Variants in TGM7 observed in about 807,000 individuals in gnomAD.
TGM7 encodes transglutaminase 7.
Under a neutral mutation model 79.5 loss-of-function variants are expected in TGM7, and 74 were observed. That is an observed-to-expected ratio of 0.93 (90% CI 0.77 to 1.13). The LOEUF is 1.13. Ranked by LOEUF, TGM7 falls within the 50% of genes most tolerant of loss-of-function variation. The pLI is 0.00. For missense variants in TGM7, 912 were observed against 905.9 expected (o/e 1.01, Z -0.09); for synonymous variants, 354 against 362.5 (o/e 0.98, Z 0.27).
chr15:43,289,723 T>C (rs1308551825), intron 4 of TGM7, among the ~76,000 whole-genome samples: 6 of 152,038 alleles, frequency 3.9e-5, no homozygotes, highest in Non-Finnish European at 7.4e-5. Context: ...TCTCCAGCAC[T>C]TGTTGTTTCC....
chr15:43,288,462 G>C (rs2042947872), intron 4 of TGM7, among the ~76,000 whole-genome samples: 1 of 152,024 alleles, frequency 6.6e-6, no homozygotes, highest in South Asian at 2.1e-4. Context: ...TCTCTACGTT[G>C]ACTGGATATT....
intron 6 of TGM7, among the ~76,000 whole-genome samples, chr15:43,285,733 C>A (rs909849459): frequency 5.3e-5 from 8 of 152,296 alleles, no homozygotes; most frequent in Admixed American, 4.6e-4. Context: ...TTTAATAAGG[C>A]AGCAGCTCCC....
intron 1 of TGM7, among the ~76,000 whole-genome samples, chr15:43,299,794 C>T (rs1259550497): frequency 6.6e-6 from 1 of 152,104 alleles, no homozygotes; most frequent in African/African-American, 2.4e-5. Flanking sequence ...TCATTTCTTC[C>T]CTTCTTACAA....
At chr15:43,298,027 T>C (rs1212796696) in intron 1 of TGM7, among the ~76,000 whole-genome samples, 1 of 152,236 alleles carries the variant, frequency 6.6e-6, no homozygotes, top group Non-Finnish European at 1.5e-5. Flanking sequence ...TGCCCGGCAT[T>C]GTTTAGAGCA....
intron 11 of TGM7, among the ~76,000 whole-genome samples, 187 bp downstream of exon 11, chr15:43,278,930 C>G (rs984288093): frequency 1.3e-5 from 2 of 152,212 alleles, no homozygotes; most frequent in Non-Finnish European, 2.9e-5. Flanking sequence ...AAAAATAGCA[C>G]GTCCTTTGAG....
chr15:43,302,120 T>A, intron 1 of TGM7, 121 bp downstream of exon 1: 1 of 1,177,410 alleles, frequency 8.5e-7, no homozygotes, highest in Non-Finnish European at 1.3e-6. Context: ...TATTGCACAA[T>A]GAACTACCAA....
rs1596467500 is a variant in TGM7, at chr15:43,302,143, G to C, written c.10+98C>G. 22 of 1,409,552 alleles carry C rather than the reference G, an allele frequency of 1.6e-5. No homozygotes were observed. In the South Asian group the frequency reaches 2.5e-4, roughly 16 times the overall value. 87.3% of individuals were successfully genotyped at this position (1,409,552 alleles called of 1,614,324 possible). ...AATGAACTACCAATCATCAATCCAG[G>C]CTCTCCTGTCGCTTCCCTACATCCT... On this transcript the variant is annotated intron_variant, in intron 1 of 12. Coordinates refer to ENST00000452443, the MANE Select transcript of TGM7 (RefSeq NM_052955.3).
Position 43,284,900 on chromosome 15 carries a change from C to T in TGM7, c.918G>A (p.Ala306=), listed in dbSNP as rs771459030. The part of the protein sequence containing the change: ...PTRVVSNFRS[A]HNVDRNLTID... ...TGGTCAAGTTCCTATCCACGTTGTG[C>T]GCGGAACGGAAATTGGAAACAACAC... The change falls in exon 7 of 13, where the codon GCG becomes GCA. Residue 306 remains alanine, a synonymous_variant. Coordinates refer to ENST00000452443, the MANE Select transcript of TGM7 (RefSeq NM_052955.3). 5.0e-6 allele frequency: 8 copies of T among 1,614,004 alleles called. No homozygotes were observed. The African/African-American group carries it at 5.3e-5, about 11-fold the overall frequency.
chr15:43,291,097 T>A (rs899480348), intron 4 of TGM7, among the ~76,000 whole-genome samples: 1 of 152,218 alleles, frequency 6.6e-6, no homozygotes, highest in Non-Finnish European at 1.5e-5. Context: ...CTTCCAACAC[T>A]ATGTTAAATA....
chr15:43,280,771 C>T (rs567647516), intron 9 of TGM7, among the ~76,000 whole-genome samples: 3 of 152,060 alleles, frequency 2.0e-5, no homozygotes, highest in Non-Finnish European at 2.9e-5. Context: ...CAAGACTGAA[C>T]GAAGGGATGA....
chr15:43,292,984 G>A (rs2142416730), intron 2 of TGM7, 30 bp from the exon 3 acceptor site: 2 of 1,606,958 alleles, frequency 1.2e-6, no homozygotes, highest in East Asian at 2.2e-5. Flanking sequence ...CCCACAGTGA[G>A]GCTCAAAAAA....
intron 1 of TGM7, 131 bp downstream of exon 1, chr15:43,302,110 T>A: frequency 9.8e-7 from 1 of 1,024,888 alleles, no homozygotes; most frequent in Non-Finnish European, 1.5e-6. Context: ...GAAGGAGCCG[T>A]ATTGCACAAT....
chr15:43,297,057 G>C (rs2042999382), intron 1 of TGM7, among the ~76,000 whole-genome samples: 1 of 152,132 alleles, frequency 6.6e-6, no homozygotes, highest in South Asian at 2.1e-4. Context: ...TGAGTAAGAG[G>C]AGAGTTAAGC....
intron 9 of TGM7, among the ~76,000 whole-genome samples, chr15:43,281,087 T>G (rs1321500104): frequency 6.6e-6 from 1 of 152,272 alleles, no homozygotes. Context: ...TACCCCCACC[T>G]GTGGACTTCT....
intron 1 of TGM7, among the ~76,000 whole-genome samples, chr15:43,301,489 G>A (rs185681742): frequency 2.2e-4 from 34 of 151,844 alleles, no homozygotes; most frequent in African/African-American, 8.0e-4. Context: ...AATTAGCCGT[G>A]TATGGTGGCA....
At chr15:43,290,208 T>C (rs1216759437) in intron 4 of TGM7, among the ~76,000 whole-genome samples, 3 of 152,232 alleles carry the variant, frequency 2.0e-5, no homozygotes, top group Non-Finnish European at 4.4e-5. Flanking sequence ...GTCTAACATT[T>C]AAGTCTTTAA....
chr15:43,293,337 A>C (rs2142417102), intron 2 of TGM7, 112 bp downstream of exon 2: 2 of 1,359,560 alleles, frequency 1.5e-6, no homozygotes, highest in Non-Finnish European at 2.0e-6. Flanking sequence ...GGCTCCCAGG[A>C]CAAGAAAGTG....
In TGM7 at chr15:43,282,608, G is replaced by A; in HGVS notation, c.1017C>T (p.Val339=). 6.3e-7 allele frequency: 1 copy of A among 1,596,178 alleles called. No individual in the cohort carries two copies. The highest frequency in any genetic ancestry group is 2.2e-5 in the East Asian group (1 of 44,550). ...TCCGGATCATCCAGCACTCATTCCA[G>A]ACGTGGAAGTTCCTGCAGGAGGGAG... is the stretch of plus-strand genomic sequence containing the variant. The part of the protein sequence containing the change: ...QKRDKIWNFH[V]WNECWMIRKD... The change falls in exon 8 of 13, where the codon GTC becomes GTT. Residue 339 remains valine, a synonymous_variant. Coordinates refer to ENST00000452443, the MANE Select transcript of TGM7 (RefSeq NM_052955.3).
intron 1 of TGM7, among the ~76,000 whole-genome samples, chr15:43,297,522 G>GAAAA (rs2043003068): frequency 7.7e-6 from 1 of 129,378 alleles, no homozygotes; most frequent in Non-Finnish European, 1.7e-5. Flanking sequence ...AAGGAAGGAA[G>GAAAA]GAAAGAAAGA....
Sources: allele counts gnomAD v4.1 joint callset (sites outside exome capture counted in the v4.1 genomes callset), GRCh38; gene constraint gnomAD v4.1.1; transcripts MANE v1.5; gene names NCBI Gene and HGNC (gene_info 2026-07-23, HGNC 2026-07-21).